Variants in PARN observed in about 807,000 individuals in gnomAD.
The protein encoded by PARN is poly(A)-specific ribonuclease PARN.
Under a neutral mutation model 102.8 loss-of-function variants are expected in PARN, and 71 were observed. That is an observed-to-expected ratio of 0.69 (90% CI 0.57 to 0.84). The LOEUF is 0.84. PARN is among the 40% of genes least tolerant of loss of function. The pLI is 0.00. For synonymous variants in PARN, 261 were observed against 252.9 expected, an observed-to-expected ratio of 1.03 and a Z score of -0.30; for missense variants, 782 against 760.9, an observed-to-expected ratio of 1.03 and a Z score of -0.33.
intron 21 of PARN, among the ~76,000 whole-genome samples, chr16:14,551,714 A>G (rs1967314601): frequency 6.6e-6 from 1 of 152,218 alleles, no homozygotes; most frequent in Non-Finnish European, 1.5e-5. Context: ...TATTACAGGT[A>G]CTTCTCATTC....
At position 14,606,455 on chromosome 16, in the gene PARN, T is replaced by C. The variant is rs137925727; in HGVS notation, c.702+29A>G. 331 of 1,370,338 alleles carry C rather than the reference T, an allele frequency of 2.4e-4. 1 individual carries two copies. In the African/African-American group the frequency reaches 3.7e-3, roughly 15 times the overall value. 84.9% of individuals were successfully genotyped at this position (1,370,338 alleles called of 1,614,324 possible). On this transcript the variant is annotated intron_variant, in intron 10 of 23. Coordinates refer to ENST00000437198, the MANE Select transcript of PARN (RefSeq NM_002582.4). ...ACAGTGTAACAATGGATGTGTTTAA[T>C]GTTAGCCCTAGATAATTCTTGGGGT...
chr16:14,478,963 G>A (rs1446694439), intron 22 of PARN, among the ~76,000 whole-genome samples: 1 of 152,142 alleles, frequency 6.6e-6, no homozygotes, highest in Non-Finnish European at 1.5e-5. Flanking sequence ...ATTTTAAGTA[G>A]AGACAGTGTT....
intron 23 of PARN, among the ~76,000 whole-genome samples, chr16:14,441,595 C>T (rs1398538689): frequency 6.6e-6 from 1 of 152,218 alleles, no homozygotes; most frequent in African/African-American, 2.4e-5. Flanking sequence ...AGAAGGTGAG[C>T]CCCCTCCCTG....
At chr16:14,458,489 CTATGGAGGAAAAGAGAACAGGAGAGGCAG>C in intron 22 of PARN, among the ~76,000 whole-genome samples, 1 of 152,002 alleles carries the variant, frequency 6.6e-6, no homozygotes, top group East Asian at 1.9e-4. Flanking sequence ...AAGATAACAC[CTATGGAGGAAAAGAGAACAGGAGAGGCAG>C]CATCAGAGAA....
Position 14,436,763 on chromosome 16 carries a change from G to A in PARN, c.1874C>T (p.Ser625Leu), listed in dbSNP as rs201963032. 1.1e-4 allele frequency: 170 copies of A among 1,591,366 alleles called. No individual in the cohort carries two copies. The African/African-American group carries it at 1.7e-3, about 16-fold the overall frequency. Residue 625 changes from serine to leucine, a missense_variant, in exon 24 of 24, where the codon TCG becomes TTG. Physicochemically the swap from Ser to Leu is moderately radical, Grantham distance 145. Transcript: ENST00000437198. ...AAAGAGTGTGGCAGGGCTGTTCTTC[G>A]AGATGCTTCCTGGTGGGAAAGAACA... ...KKELSPAGSI[S>L]KNSPATLFEV... is the part of the protein sequence containing the mutation.
intron 16 of PARN, 96 bp from the exon 17 acceptor site, chr16:14,582,387 C>A (rs1969587590): frequency 2.5e-6 from 2 of 786,068 alleles, no homozygotes; most frequent in South Asian, 2.8e-5. Context: ...TAGAGAAATA[C>A]CCTAAATAGG....
chr16:14,584,625 T>C (rs1465805190), intron 15 of PARN, 124 bp downstream of exon 15: 4 of 791,822 alleles, frequency 5.1e-6, no homozygotes, highest in Non-Finnish European at 8.4e-6. Context: ...TATAACCAAA[T>C]GAATAAAGAT....
intron 18 of PARN, among the ~76,000 whole-genome samples, chr16:14,566,274 C>CT (rs1298480879): frequency 3.3e-5 from 5 of 152,174 alleles, no homozygotes; most frequent in African/African-American, 1.2e-4. Flanking sequence ...GCCTCACTGC[C>CT]ATCATATGTG....
At chr16:14,615,995 G>C (rs1303140331) in intron 6 of PARN, among the ~76,000 whole-genome samples, 1 of 151,584 alleles carries the variant, frequency 6.6e-6, no homozygotes, top group Non-Finnish European at 1.5e-5. Context: ...TGAAGTCCAT[G>C]TACTTTTTTT....
In PARN at chr16:14,436,585, C is replaced by T. The variant is rs944731425; in HGVS notation, c.*132G>A. On this transcript the variant is annotated 3_prime_UTR_variant, in exon 24 of 24. Coordinates refer to ENST00000437198, the MANE Select transcript of PARN (RefSeq NM_002582.4). ...AAAATAAAACCTGTTTTCTCCCCCC[C>T]AGGAGACAACTTGGTTTCCAACCCC... 3 of 653,582 alleles carry T rather than the reference C, an allele frequency of 4.6e-6. No individual in the cohort carries two copies. The highest frequency in any genetic ancestry group is 3.8e-5 in the South Asian group (2 of 53,222). The allele number at this position is 653,582 out of a possible 1,614,324, so 40.5% of individuals were successfully genotyped here. A position where few individuals can be genotyped will look rare whatever the true frequency, so the allele number is the denominator to read the frequency against.
intron 5 of PARN, among the ~76,000 whole-genome samples, chr16:14,619,796 G>C (rs1972176534): frequency 6.6e-6 from 1 of 151,824 alleles, no homozygotes; most frequent in African/African-American, 2.4e-5. Context: ...AACAGGTTGA[G>C]TGTGATGGCT....
intron 22 of PARN, among the ~76,000 whole-genome samples, chr16:14,449,760 A>G (rs937670884): frequency 6.6e-6 from 1 of 152,244 alleles, no homozygotes; most frequent in African/African-American, 2.4e-5. Context: ...TTCATAATGC[A>G]AAATAAAACA....
intron 21 of PARN, among the ~76,000 whole-genome samples, chr16:14,524,567 C>CTA (rs1965898622): frequency 6.6e-6 from 1 of 152,122 alleles, no homozygotes; most frequent in Admixed American, 6.6e-5. Context: ...GCTCCTTTAA[C>CTA]TAAAATTAGA....
intron 21 of PARN, among the ~76,000 whole-genome samples, chr16:14,551,047 C>G (rs1020833411): frequency 6.6e-6 from 1 of 151,658 alleles, no homozygotes; most frequent in African/African-American, 2.4e-5. Context: ...ACTGCAACCT[C>G]TGCCTCCCGG....
chr16:14,557,374 T>C (rs184198492), intron 18 of PARN, among the ~76,000 whole-genome samples: 25 of 151,374 alleles, frequency 1.7e-4, no homozygotes, highest in Non-Finnish European at 3.2e-4. Flanking sequence ...CTGGCCAACA[T>C]GGTGAAATCC....
intron 18 of PARN, among the ~76,000 whole-genome samples, chr16:14,580,186 G>C (rs1403234706): frequency 6.6e-6 from 1 of 152,058 alleles, no homozygotes; most frequent in East Asian, 1.9e-4. Context: ...TAGCCAGGAT[G>C]GTCTCAATCT....
At chr16:14,479,313 T>C (rs1963252723) in intron 22 of PARN, among the ~76,000 whole-genome samples, 1 of 151,826 alleles carries the variant, frequency 6.6e-6, no homozygotes, top group Non-Finnish European at 1.5e-5. Context: ...TCCCAGCTAT[T>C]TGGGTGGCTG....
Position 14,606,522 on chromosome 16 carries a change from G to T in PARN, c.664C>A (p.Pro222Thr), listed in dbSNP as rs1971195178. Residue 222 changes from proline to threonine, a missense_variant, in exon 10 of 24, where the codon CCG becomes ACG. Transcript: ENST00000437198. ...LIYQTLSWKY[P>T]KGIHVETLET... Reference sequence around the variant, plus strand: ...AAAGTCTCAACATGAATGCCTTTCGGATACCTAAAGAAAAGAAAAACATAG... The same window carrying T: ...AAAGTCTCAACATGAATGCCTTTCGTATACCTAAAGAAAAGAAAAACATAG... 1.9e-6 allele frequency: 3 copies of T among 1,562,980 alleles called. No homozygotes were observed. The South Asian group carries it at 3.5e-5, about 18-fold the overall frequency.
At chr16:14,576,356 T>C (rs1489720305) in intron 18 of PARN, 1 of 152,220 alleles carries the variant, frequency 6.6e-6, no homozygotes, top group Non-Finnish European at 1.5e-5. Flanking sequence ...TTCCAGTGCT[T>C]ACTGAAGATA....
Sources: allele counts gnomAD v4.1 joint callset (sites outside exome capture counted in the v4.1 genomes callset), GRCh38; gene constraint gnomAD v4.1.1; transcripts MANE v1.5; gene names NCBI Gene and HGNC (gene_info 2026-07-23, HGNC 2026-07-21).